The following PRKAR1A variants were observed in gnomAD, a reference collection of about 807,000 sequenced individuals.
PRKAR1A encodes the protein cAMP-dependent protein kinase type I-alpha regulatory subunit.
A neutral mutation model predicts 52.0 loss-of-function variants in PRKAR1A; 3 were observed. The ratio of observed to expected loss-of-function variants is 0.06; its 90% CI spans 0.03 to 0.15. The LOEUF (loss-of-function observed/expected upper bound fraction) is 0.15, where lower values mean the gene tolerates loss of function less well. Ranked by LOEUF, PRKAR1A falls within the 10% of genes least tolerant of loss-of-function variation. The pLI, the probability that PRKAR1A is intolerant of heterozygous loss-of-function variation, is 1.00. For missense variants in PRKAR1A, 240 were observed against 477.4 expected, an observed-to-expected ratio of 0.50 and a Z score of 4.63; for synonymous variants, 188 against 168.4, an observed-to-expected ratio of 1.12 and a Z score of -0.90.
the PRKAR1A span, chr17:68,428,840 G>C: frequency 6.2e-7 from 1 of 1,613,468 alleles, no homozygotes; most frequent in Non-Finnish European, 8.5e-7. Flanking sequence ...TGTGGGTTTT[G>C]ATTAAGACAC....
chr17:68,475,278 A>G, the PRKAR1A span, among the ~76,000 whole-genome samples: 3 of 152,214 alleles, frequency 2.0e-5, no homozygotes, highest in Admixed American at 2.0e-4. Context: ...CAGGCAGGAC[A>G]CCTGTGCCCT....
upstream of PRKAR1A, chr17:68,511,920 G>C (rs952587390): frequency 2.0e-5 from 3 of 152,342 alleles, no homozygotes; most frequent in Admixed American, 2.0e-4. Context: ...CAGGGGCTGC[G>C]GGGAGGAGTC....
chr17:68,428,596 G>GGAGACCAT, the PRKAR1A span: 2 of 461,540 alleles, frequency 4.3e-6, no homozygotes, highest in South Asian at 4.4e-5. Flanking sequence ...AGGCTGAGGG[G>GGAGACCAT]GAGACCATCT....
At chr17:68,433,760 G>GTTGT in the PRKAR1A span, among the ~76,000 whole-genome samples, 4 of 72,822 alleles carry the variant, frequency 5.5e-5, no homozygotes, top group Non-Finnish European at 7.0e-5. Flanking sequence ...AAGGGTCATA[G>GTTGT]TTTTTTTTTT....
chr17:68,523,053 T>G, intron 3 of PRKAR1A, 127 bp downstream of exon 3: 2 of 1,157,830 alleles, frequency 1.7e-6, no homozygotes, highest in South Asian at 2.9e-5. Flanking sequence ...GTACAATTCT[T>G]GGGTACTGGA....
intron 11 of PRKAR1A, among the ~76,000 whole-genome samples, chr17:68,548,969 T>A (rs1009732220): frequency 2.0e-5 from 3 of 151,868 alleles, no homozygotes; most frequent in Non-Finnish European, 4.4e-5. Flanking sequence ...CCTGACCTCG[T>A]GATCTGCCCG....
chr17:68,430,636 T>C, the PRKAR1A span, among the ~76,000 whole-genome samples: 3 of 152,180 alleles, frequency 2.0e-5, no homozygotes, highest in Non-Finnish European at 4.4e-5. Context: ...TGTTTGATTG[T>C]AGATAACCCT....
the PRKAR1A span, among the ~76,000 whole-genome samples, chr17:68,478,832 A>G: frequency 2.6e-5 from 4 of 151,970 alleles, no homozygotes; most frequent in Admixed American, 2.0e-4. Context: ...GATTCAAGCA[A>G]TTCTTCTGCC....
At chr17:68,515,804 A>T (rs1486885196) in intron 2 of PRKAR1A, 1 of 565,394 alleles carries the variant, frequency 1.8e-6, no homozygotes, top group African/African-American at 1.9e-5. Flanking sequence ...TACTTGGCTA[A>T]TAAAGGGTTT....
upstream of PRKAR1A, among the ~76,000 whole-genome samples, chr17:68,508,423 A>G (rs1008878287): frequency 1.3e-5 from 2 of 152,236 alleles, no homozygotes; most frequent in African/African-American, 4.8e-5. Flanking sequence ...ACGCATATTA[A>G]CACAGGAATA....
At chr17:68,443,205 G>T in the PRKAR1A span, among the ~76,000 whole-genome samples, 1 of 152,054 alleles carries the variant, frequency 6.6e-6, no homozygotes, top group African/African-American at 2.4e-5. Flanking sequence ...CCGCCTCCTG[G>T]GTTCAAGTAA....
chr17:68,542,874 C>A, intron 11 of PRKAR1A: 2 of 1,298,768 alleles, frequency 1.5e-6, no homozygotes, highest in South Asian at 1.2e-5. Context: ...GGGGTTTTGT[C>A]CCCCGGCCAG....
the PRKAR1A span, among the ~76,000 whole-genome samples, chr17:68,471,706 G>T: frequency 6.6e-6 from 1 of 152,178 alleles, no homozygotes; most frequent in Non-Finnish European, 1.5e-5. Flanking sequence ...TACTAGGGGA[G>T]CTCTCCAAAT....
chr17:68,547,714 G>T (rs1019137579), intron 11 of PRKAR1A, among the ~76,000 whole-genome samples: 3 of 152,178 alleles, frequency 2.0e-5, no homozygotes, highest in South Asian at 2.1e-4. Flanking sequence ...GAATGCTGTG[G>T]CTGGTTTAAT....
At position 68,539,392 on chromosome 17, in the gene PRKAR1A, C is replaced by A. The variant is rs773554835; in HGVS notation, c.973+9391C>A. On this transcript the variant is annotated intron_variant, in intron 11 of 11. Coordinates refer to the PRKAR1A transcript ENST00000585981. ...GAGATTTCATCATGGGAGTGTCGTCCGAACCTAGGAGGAGAAACAGGCTTT... is the reference window on the plus strand; with the variant it reads ...GAGATTTCATCATGGGAGTGTCGTCAGAACCTAGGAGGAGAAACAGGCTTT... 1.9e-6 allele frequency: 3 copies of A among 1,614,000 alleles called. No homozygotes were observed. In the African/African-American group the frequency reaches 4.0e-5, roughly 22 times the overall value.
intron 11 of PRKAR1A, chr17:68,540,932 T>G (rs1196020646): frequency 1.3e-6 from 2 of 1,597,888 alleles, no homozygotes; most frequent in Non-Finnish European, 1.7e-6. Flanking sequence ...TTTCACTGTG[T>G]CACAGTAAAG....
At chr17:68,458,744 G>C in the PRKAR1A span, among the ~76,000 whole-genome samples, 1 of 152,210 alleles carries the variant, frequency 6.6e-6, no homozygotes, top group African/African-American at 2.4e-5. Flanking sequence ...AGCTCTGCCA[G>C]CTTTGGATTG....
the PRKAR1A span, among the ~76,000 whole-genome samples, chr17:68,450,266 A>C: frequency 1.3e-5 from 2 of 152,234 alleles, no homozygotes. Flanking sequence ...TGGTGGGAGA[A>C]GGGCAGCTTT....
the PRKAR1A span, among the ~76,000 whole-genome samples, chr17:68,478,212 G>A: frequency 6.6e-6 from 1 of 152,100 alleles, no homozygotes; most frequent in Non-Finnish European, 1.5e-5. Context: ...CCAGCACTTT[G>A]GGGGGCCGAG....
Sources: gnomAD v4.1 joint callset for allele counts (sites outside exome capture counted in the v4.1 genomes callset) on GRCh38, gnomAD v4.1.1 for gene constraint, MANE v1.5 for transcripts, NCBI Gene and HGNC (gene_info 2026-07-23, HGNC 2026-07-21) for gene names.